ACER3: variants seen among roughly 807,000 people sequenced by gnomAD.
ACER3 encodes the protein alkCDase 3.
A neutral mutation model predicts 48.9 loss-of-function variants in ACER3; 16 were observed. The observed-to-expected ratio is 0.33, with a 90% confidence interval of 0.22 to 0.50. ACER3 has a LOEUF of 0.50. ACER3 is among the 20% of genes least tolerant of loss of function. The pLI is 0.98. For synonymous variants in ACER3, 109 were observed against 107.8 expected, an observed-to-expected ratio of 1.01 and a Z score of -0.07; for missense variants, 227 against 326.0, an observed-to-expected ratio of 0.70 and a Z score of 2.34.
chr11:76,957,529 CAT>C, intron 2 of ACER3: 1 of 444,480 alleles, frequency 2.2e-6, no homozygotes, highest in Admixed American at 2.4e-5. Flanking sequence ...CTGCAACCTC[CAT>C]TTCCCAGGTT....
intron 1 of ACER3, among the ~76,000 whole-genome samples, chr11:76,868,766 C>T (rs946450866): frequency 3.4e-4 from 51 of 152,176 alleles, no homozygotes; most frequent in African/African-American, 1.2e-3. Context: ...CATATTTCAA[C>T]ATGGTTGTTC....
chr11:76,959,162 A>T, intron 3 of ACER3, 131 bp downstream of exon 3: 1 of 1,541,604 alleles, frequency 6.5e-7, no homozygotes, highest in East Asian at 2.4e-5. Flanking sequence ...TTCAAGTCTG[A>T]GGATCCAAAC....
chr11:77,015,182 TAAAC>T, intron 8 of ACER3, 65 bp downstream of exon 8: 1 of 882,144 alleles, frequency 1.1e-6, no homozygotes, highest in South Asian at 1.5e-5. Context: ...GAGAATTTTA[TAAAC>T]ATATAGAAAT....
intron 7 of ACER3, among the ~76,000 whole-genome samples, chr11:77,013,518 C>T (rs1391856778): frequency 6.6e-6 from 1 of 152,062 alleles, no homozygotes; most frequent in Admixed American, 6.6e-5. Flanking sequence ...ATTAAAACCA[C>T]AATGAGATAC....
intron 2 of ACER3, among the ~76,000 whole-genome samples, chr11:76,952,139 TACACACAC>T (rs71272233): frequency 2.5e-4 from 18 of 72,658 alleles, no homozygotes; most frequent in African/African-American, 6.5e-4. Flanking sequence ...TATATATATA[TACACACAC>T]ACACACACAC....
At chr11:76,946,677 G>A (rs1192288763) in intron 2 of ACER3, among the ~76,000 whole-genome samples, 1 of 152,142 alleles carries the variant, frequency 6.6e-6, no homozygotes, top group Non-Finnish European at 1.5e-5. Flanking sequence ...GGGGTACATG[G>A]GAGCACCCAG....
chr11:76,952,245 T>C (rs767613028), intron 2 of ACER3, among the ~76,000 whole-genome samples: 97 of 151,360 alleles, frequency 6.4e-4, no homozygotes, highest in Non-Finnish European at 1.1e-3. Flanking sequence ...AAGAATTCAC[T>C]ATACTATTCT....
intron 1 of ACER3, among the ~76,000 whole-genome samples, chr11:76,878,072 TTTAATCATTGGACATTTTG>T (rs1945431544): frequency 6.6e-6 from 1 of 152,114 alleles, no homozygotes; most frequent in African/African-American, 2.4e-5. Context: ...TTATCCATTC[TTTAATCATTGGACATTTTG>T]TTGTTTCCAG....
At chr11:76,910,781 A>ACTG (rs1946358811) in intron 1 of ACER3, among the ~76,000 whole-genome samples, 1 of 152,230 alleles carries the variant, frequency 6.6e-6, no homozygotes, top group African/African-American at 2.4e-5. Context: ...ACCGTTATGT[A>ACTG]CTGCTAATAG....
chr11:77,011,279 C>G, intron 7 of ACER3: 1 of 967,360 alleles, frequency 1.0e-6, no homozygotes, highest in Non-Finnish European at 1.2e-6. Flanking sequence ...CTTGCTCTCC[C>G]CTTCCCGCCC....
chr11:76,936,147 G>A lies in ACER3; in HGVS notation c.214+9480G>A, dbSNP rs1405459268. On this transcript the variant is annotated intron_variant, in intron 2 of 10. Coordinates refer to ENST00000532485, the MANE Select transcript of ACER3 (RefSeq NM_018367.7). ...CAATCATGGCAGAAAGCAAGGAGGA[G>A]CAAGTCACTTCTTACATGGATGGTG... is the stretch of plus-strand genomic sequence containing the variant. 3.9e-5 allele frequency among the ~76,000 whole-genome samples: 6 copies of A among 152,192 alleles called. No homozygotes were observed. In the East Asian group the frequency reaches 1.2e-3, roughly 29 times the overall value.
intron 2 of ACER3, among the ~76,000 whole-genome samples, chr11:76,945,909 T>C (rs928285173): frequency 6.6e-6 from 1 of 152,290 alleles, no homozygotes; most frequent in African/African-American, 2.4e-5. Flanking sequence ...TGATAGGTAT[T>C]GTCCTAGTTA....
chr11:76,941,812 T>C (rs1358986184), intron 2 of ACER3, among the ~76,000 whole-genome samples: 3 of 152,154 alleles, frequency 2.0e-5, no homozygotes, highest in Non-Finnish European at 4.4e-5. Flanking sequence ...TTTGTTTGTG[T>C]CCTCTACAAT....
intron 3 of ACER3, among the ~76,000 whole-genome samples, chr11:76,975,502 T>C (rs1397209438): frequency 6.6e-6 from 1 of 152,216 alleles, no homozygotes; most frequent in Non-Finnish European, 1.5e-5. Flanking sequence ...ATAAAATTAT[T>C]TCCCTGGCCA....
At chr11:76,943,459 G>A (rs546908147) in intron 2 of ACER3, among the ~76,000 whole-genome samples, 45 of 152,048 alleles carry the variant, frequency 3.0e-4, no homozygotes, top group African/African-American at 1.1e-3. Flanking sequence ...CTGTGTGTTT[G>A]TATAGTTTCC....
chr11:76,951,317 T>A (rs934313095), intron 2 of ACER3, among the ~76,000 whole-genome samples: 1 of 152,248 alleles, frequency 6.6e-6, no homozygotes, highest in African/African-American at 2.4e-5. Context: ...GGGTTTTTTT[T>A]ACTCTCCCCT....
At chr11:76,912,977 G>A (rs1946422928) in intron 1 of ACER3, among the ~76,000 whole-genome samples, 1 of 152,112 alleles carries the variant, frequency 6.6e-6, no homozygotes, top group African/African-American at 2.4e-5. Flanking sequence ...TATTTAAAAG[G>A]TTTTAGGATA....
intron 4 of ACER3, among the ~76,000 whole-genome samples, chr11:76,977,648 C>T (rs182171720): frequency 1.4e-4 from 22 of 152,286 alleles, no homozygotes; most frequent in African/African-American, 5.1e-4. Flanking sequence ...AGCAGTAGCC[C>T]AGTTAGAGCA....
intron 1 of ACER3, among the ~76,000 whole-genome samples, chr11:76,908,635 A>G (rs1946294942): frequency 6.6e-6 from 1 of 152,206 alleles, no homozygotes; most frequent in African/African-American, 2.4e-5. Flanking sequence ...ATGCTCACAG[A>G]TAGAAAGAAT....
Sources: gnomAD v4.1 joint callset for allele counts (sites outside exome capture counted in the v4.1 genomes callset) on GRCh38, gnomAD v4.1.1 for gene constraint, MANE v1.5 for transcripts, NCBI Gene and HGNC (gene_info 2026-07-23, HGNC 2026-07-21) for gene names.